Variants in FGF1 observed in about 807,000 individuals in gnomAD.
FGF1 encodes beta-endothelial cell growth factor.
Under a neutral mutation model 13.4 loss-of-function variants are expected in FGF1, and 9 were observed. The observed-to-expected ratio is 0.67, with a 90% CI of 0.40 to 1.17. The LOEUF is 1.17. FGF1 is among the 50% of genes most tolerant of loss of function. FGF1 has a pLI of 0.01. For missense variants in FGF1, 156 were observed against 192.7 expected (o/e 0.81, Z 1.13); for synonymous variants, 93 against 79.0 (o/e 1.18, Z -0.94).
chr5:142,677,126 C>T (rs901414887), intron 1 of FGF1, among the ~76,000 whole-genome samples: 2 of 152,162 alleles, frequency 1.3e-5, no homozygotes, highest in African/African-American at 4.8e-5. Flanking sequence ...CTCAACTTTC[C>T]TTTAGTTGCT....
chr5:142,693,488 C>T (rs890378949), intron 2 of FGF1, among the ~76,000 whole-genome samples: 1 of 152,032 alleles, frequency 6.6e-6, no homozygotes, highest in South Asian at 2.1e-4. Context: ...GACAGGGTTT[C>T]ACCATATTGG....
intron 1 of FGF1, among the ~76,000 whole-genome samples, chr5:142,627,582 A>G (rs1356791034): frequency 6.6e-6 from 1 of 152,194 alleles, no homozygotes; most frequent in Non-Finnish European, 1.5e-5. Context: ...AGCTCATTTC[A>G]TATGTCAGAC....
intron 1 of FGF1, among the ~76,000 whole-genome samples, chr5:142,653,709 G>A (rs781428700): frequency 1.4e-4 from 21 of 152,260 alleles, no homozygotes; most frequent in Middle Eastern, 3.4e-3. Flanking sequence ...TGTCTTCTAC[G>A]ACACCGGTTG....
At chr5:142,632,994 A>G (rs1763610875) in intron 1 of FGF1, among the ~76,000 whole-genome samples, 1 of 149,720 alleles carries the variant, frequency 6.7e-6, no homozygotes, top group Non-Finnish European at 1.5e-5. Flanking sequence ...ATCTCGGCTC[A>G]CTGCAACCTC....
At position 142,593,149 on chromosome 5, in the gene FGF1, C is replaced by T. The variant is rs1754601551; in HGVS notation, c.*2141G>A. On this transcript the variant is annotated 3_prime_UTR_variant, in exon 4 of 4. Transcript: ENST00000337706. Reference sequence around the variant, plus strand: ...CAAGTTAGCAATGGTATTTAATTTTCCTTGGCCAATGTTATGCTTGAGTTT... The same window carrying T: ...CAAGTTAGCAATGGTATTTAATTTTTCTTGGCCAATGTTATGCTTGAGTTT... 1 of 152,176 alleles carries T rather than the reference C, an allele frequency of 6.6e-6. No homozygotes were observed. The highest frequency in any genetic ancestry group is 1.5e-5 in the Non-Finnish European group (1 of 68,034). The allele number at this position is 152,176 out of a possible 1,614,324, so 9.4% of individuals were successfully genotyped here.
At chr5:142,657,654 G>A (rs1768410710) in intron 1 of FGF1, among the ~76,000 whole-genome samples, 1 of 152,226 alleles carries the variant, frequency 6.6e-6, no homozygotes, top group African/African-American at 2.4e-5. Context: ...CACTCGCCAT[G>A]CTGCTGGCTG....
intron 1 of FGF1, among the ~76,000 whole-genome samples, chr5:142,665,318 C>T (rs576318667): frequency 5.3e-4 from 80 of 152,108 alleles, no homozygotes; most frequent in African/African-American, 1.7e-3. Flanking sequence ...TTCCATCCTC[C>T]GTTCTGGGTG....
chr5:142,693,131 C>A (rs1055959310), intron 2 of FGF1, among the ~76,000 whole-genome samples: 11 of 152,238 alleles, frequency 7.2e-5, no homozygotes, highest in African/African-American at 2.4e-4. Flanking sequence ...TTCCATCTAT[C>A]TTCTTCTCAG....
At chr5:142,597,769 A>G in intron 3 of FGF1, among the ~76,000 whole-genome samples, 1 of 152,084 alleles carries the variant, frequency 6.6e-6, no homozygotes, top group East Asian at 1.9e-4. Context: ...TTGTTTCTTT[A>G]GATTATAAAC....
intron 1 of FGF1, among the ~76,000 whole-genome samples, chr5:142,635,915 T>G (rs922617919): frequency 6.6e-6 from 1 of 152,258 alleles, no homozygotes; most frequent in African/African-American, 2.4e-5. Flanking sequence ...TGTCCAAATC[T>G]ACTCTTGTTT....
At chr5:142,635,739 C>T (rs1031811178) in intron 1 of FGF1, among the ~76,000 whole-genome samples, 2 of 152,140 alleles carry the variant, frequency 1.3e-5, no homozygotes, top group African/African-American at 4.8e-5. Flanking sequence ...TGGGCTGAGT[C>T]GGGGCTGGCA....
chr5:142,600,372 A>G (rs1330872629), intron 3 of FGF1, among the ~76,000 whole-genome samples: 1 of 152,210 alleles, frequency 6.6e-6, no homozygotes, highest in Non-Finnish European at 1.5e-5. Flanking sequence ...AAAGTGAAAA[A>G]AAGAAAGAAA....
chr5:142,678,507 G>C (rs879875300), intron 1 of FGF1, among the ~76,000 whole-genome samples: 4 of 152,106 alleles, frequency 2.6e-5, no homozygotes, highest in Non-Finnish European at 5.9e-5. Context: ...GTGACATCAT[G>C]AAAAAGGCAA....
At chr5:142,677,265 A>AC (rs1442716514) in intron 1 of FGF1, among the ~76,000 whole-genome samples, 8 of 152,184 alleles carry the variant, frequency 5.3e-5, no homozygotes, top group Admixed American at 5.2e-4. Context: ...AACTGCTTCC[A>AC]CTATTCCCAT....
intron 2 of FGF1, among the ~76,000 whole-genome samples, chr5:142,604,574 A>G (rs1757247247): frequency 6.6e-6 from 1 of 152,140 alleles, no homozygotes; most frequent in Non-Finnish European, 1.5e-5. Flanking sequence ...CCTTATCTAT[A>G]GTGGGAGTTG....
chr5:142,659,264 C>T (rs1455089147), intron 1 of FGF1, among the ~76,000 whole-genome samples: 1 of 143,748 alleles, frequency 7.0e-6, no homozygotes, highest in Non-Finnish European at 1.5e-5. Flanking sequence ...GGGTCTCGCT[C>T]TGTCGCCAGG....
chr5:142,606,218 C>CTGTG (rs61445131), intron 2 of FGF1, among the ~76,000 whole-genome samples: 49,278 of 142,804 alleles, frequency 0.35, 8,912 homozygotes, highest in Admixed American at 0.47. Context: ...CTTTCTCTCT[C>CTGTG]TGTGTGTGTG....
At chr5:142,630,248 C>T (rs1260866787) in intron 1 of FGF1, among the ~76,000 whole-genome samples, 1 of 152,020 alleles carries the variant, frequency 6.6e-6, no homozygotes, top group African/African-American at 2.4e-5. Flanking sequence ...CAAGTGCCTC[C>T]CACACCTCAC....
At position 142,660,039 on chromosome 5, in the gene FGF1, G is replaced by A. The variant is rs1029194959; in HGVS notation, c.-35+25918C>T. 7.9e-5 allele frequency among the ~76,000 whole-genome samples: 12 copies of A among 152,196 alleles called. 1 individual carries two copies. In the East Asian group the frequency reaches 1.7e-3, roughly 22 times the overall value. ...AGGCGATTTCACTGCTGAGCTGACC[G>A]GTCCATAAACAGGCCATGGGCAGTG... On this transcript the variant is annotated intron_variant, in intron 1 of 3. Transcript: ENST00000337706.
Sources: allele counts gnomAD v4.1 joint callset (sites outside exome capture counted in the v4.1 genomes callset), GRCh38; gene constraint gnomAD v4.1.1; transcripts MANE v1.5; gene names NCBI Gene and HGNC (gene_info 2026-07-23, HGNC 2026-07-21).